The following RBMS3 variants were observed in gnomAD, a reference collection of about 807,000 sequenced individuals.
The protein encoded by RBMS3 is RNA binding motif single stranded interacting protein 3, also known as RNA-binding motif, single-stranded-interacting protein 3.
A neutral mutation model predicts 66.8 loss-of-function variants in RBMS3; 27 were observed. The observed-to-expected ratio is 0.40, with a 90% CI of 0.30 to 0.56. The LOEUF (loss-of-function observed/expected upper bound fraction) is 0.56. Among genes scored for constraint, RBMS3 ranks in the 20% least tolerant of loss-of-function variants. The pLI is 0.40. For synonymous variants in RBMS3, 188 were observed against 183.0 expected, an observed-to-expected ratio of 1.03 and a Z score of -0.22; for missense variants, 513 against 549.5, an observed-to-expected ratio of 0.93 and a Z score of 0.66.
At chr3:29,728,280 G>A (rs569568167) in intron 4 of RBMS3, among the ~76,000 whole-genome samples, 17 of 151,868 alleles carry the variant, frequency 1.1e-4, no homozygotes, top group African/African-American at 4.1e-4. Flanking sequence ...CCTAGATGAC[G>A]GGTCGATAGG....
intron 4 of RBMS3, among the ~76,000 whole-genome samples, chr3:29,618,984 A>G (rs1576371851): frequency 6.6e-6 from 1 of 152,278 alleles, no homozygotes; most frequent in East Asian, 1.9e-4. Context: ...ATTTTTCAAG[A>G]TCTTCTCCAG....
At chr3:29,951,057 T>C (rs760105972) in intron 12 of RBMS3, among the ~76,000 whole-genome samples, 15 of 151,956 alleles carry the variant, frequency 9.9e-5, no homozygotes, top group Non-Finnish European at 1.6e-4. Context: ...CTTAACTGTT[T>C]GTTGATTTGC....
At chr3:29,492,748 A>G (rs1279178207) in intron 3 of RBMS3, among the ~76,000 whole-genome samples, 1 of 152,162 alleles carries the variant, frequency 6.6e-6, no homozygotes, top group African/African-American at 2.4e-5. Flanking sequence ...CAAAACTCAA[A>G]CTTGAGAGGG....
In RBMS3 at chr3:29,518,386, G is replaced by A. The variant is rs529921856; in HGVS notation, c.307+29887G>A. Among the ~76,000 whole-genome samples the A allele has an allele frequency of 2.6e-5, 4 of 152,276 alleles. No homozygotes were observed. In the East Asian group the frequency reaches 7.7e-4, roughly 29 times the overall value. On this transcript the variant is annotated intron_variant, in intron 3 of 14. Transcript: ENST00000383767. ...TACAAAACTAATGCTTCTATTTCTT[G>A]TTTTAGTCAGTAAAGTAGCCAGCGC...
intron 3 of RBMS3, among the ~76,000 whole-genome samples, chr3:29,526,520 C>CAAAA (rs61483868): frequency 2.8e-5 from 1 of 35,950 alleles, no homozygotes; most frequent in Non-Finnish European, 5.5e-5. Flanking sequence ...GACTCCATCT[C>CAAAA]AAAAAAAAAA....
intron 6 of RBMS3, among the ~76,000 whole-genome samples, chr3:29,795,228 A>G (rs545720859): frequency 7.9e-5 from 12 of 152,260 alleles, no homozygotes; most frequent in Admixed American, 7.8e-4. Context: ...ATTTCCTGGG[A>G]AAGGACAGAA....
chr3:29,323,691 T>TACACACACACACAC (rs10565045), intron 1 of RBMS3, among the ~76,000 whole-genome samples: 3 of 144,346 alleles, frequency 2.1e-5, no homozygotes, highest in South Asian at 2.2e-4. Context: ...CACACACACA[T>TACACACACACACAC]ACACACACAC....
chr3:29,870,045 G>A (rs924756696), intron 7 of RBMS3, among the ~76,000 whole-genome samples: 1 of 152,104 alleles, frequency 6.6e-6, no homozygotes. Flanking sequence ...TTATAGTTAT[G>A]TTCAAGTACT....
chr3:29,764,906 G>A (rs186892578), intron 6 of RBMS3, among the ~76,000 whole-genome samples: 6 of 151,888 alleles, frequency 4.0e-5, no homozygotes, highest in East Asian at 1.9e-4. Context: ...TTTATCTCCC[G>A]GGAACAAGAA....
At chr3:29,477,401 A>G (rs2042982911) in intron 2 of RBMS3, among the ~76,000 whole-genome samples, 2 of 152,122 alleles carry the variant, frequency 1.3e-5, no homozygotes, top group African/African-American at 2.4e-5. Flanking sequence ...CCACTAATCT[A>G]TTCACTCATT....
intron 7 of RBMS3, among the ~76,000 whole-genome samples, chr3:29,875,357 T>C (rs1226680491): frequency 6.6e-6 from 1 of 152,020 alleles, no homozygotes; most frequent in Non-Finnish European, 1.5e-5. Flanking sequence ...AGTAGCAATC[T>C]CAAAGTTGTA....
At chr3:29,847,422 G>C (rs1576982716) in intron 6 of RBMS3, among the ~76,000 whole-genome samples, 2 of 152,084 alleles carry the variant, frequency 1.3e-5, no homozygotes, top group Admixed American at 6.6e-5. Flanking sequence ...CCTTGCCTTT[G>C]GCAGCTAAAG....
At chr3:29,701,953 C>G (rs1219915452) in intron 4 of RBMS3, among the ~76,000 whole-genome samples, 2 of 152,198 alleles carry the variant, frequency 1.3e-5, no homozygotes, top group African/African-American at 4.8e-5. Flanking sequence ...GTGGGCAGCT[C>G]TGCCCGCGGC....
chr3:29,474,204 G>A (rs1342526547), intron 2 of RBMS3, among the ~76,000 whole-genome samples: 3 of 152,216 alleles, frequency 2.0e-5, no homozygotes, highest in Non-Finnish European at 4.4e-5. Context: ...TGTTTATCTG[G>A]TGTCTTTTGC....
At chr3:29,332,659 T>C (rs1264783448) in intron 1 of RBMS3, among the ~76,000 whole-genome samples, 3 of 152,144 alleles carry the variant, frequency 2.0e-5, no homozygotes, top group Non-Finnish European at 4.4e-5. Context: ...TTATACACCC[T>C]CTTTCCAAGA....
At chr3:29,784,989 T>C (rs2056771154) in intron 6 of RBMS3, among the ~76,000 whole-genome samples, 1 of 151,898 alleles carries the variant, frequency 6.6e-6, no homozygotes, top group African/African-American at 2.4e-5. Context: ...CAGGAAGATA[T>C]AGAATCTCTG....
chr3:29,956,181 A>G (rs1559835723), intron 12 of RBMS3, among the ~76,000 whole-genome samples: 8 of 152,068 alleles, frequency 5.3e-5, no homozygotes, highest in Admixed American at 3.3e-4. Flanking sequence ...TTCTTTCACT[A>G]GTCACAGTTC....
chr3:29,543,632 C>T (rs1200800350), intron 3 of RBMS3, among the ~76,000 whole-genome samples: 2 of 152,146 alleles, frequency 1.3e-5, no homozygotes, highest in Non-Finnish European at 2.9e-5. Context: ...ATTGCTTGAA[C>T]CCAGGAGGTG....
intron 1 of RBMS3, among the ~76,000 whole-genome samples, chr3:29,303,057 A>G (rs2033785334): frequency 6.6e-6 from 1 of 152,046 alleles, no homozygotes. Flanking sequence ...CCTCAGAGCT[A>G]GAGAACAACA....
Sources: allele counts gnomAD v4.1 joint callset (sites outside exome capture counted in the v4.1 genomes callset), GRCh38; gene constraint gnomAD v4.1.1; transcripts MANE v1.5; gene names NCBI Gene and HGNC (gene_info 2026-07-23, HGNC 2026-07-21).